PLEKHG3: variants seen among roughly 807,000 people sequenced by gnomAD.
PLEKHG3 encodes the protein pleckstrin homology and RhoGEF domain containing G3, also known as pleckstrin homology domain-containing family G member 3.
In PLEKHG3, 62 loss-of-function variants were observed where a neutral mutation model predicts 94.9. The ratio of observed to expected loss-of-function variants is 0.65; its 90% CI spans 0.53 to 0.81. The LOEUF is 0.81. PLEKHG3 is among the 30% of genes least tolerant of loss of function. The probability of loss-of-function intolerance (pLI) is 0.00; values close to 1 mark genes in which losing one functional copy is unlikely to be tolerated. For missense variants in PLEKHG3, 1,461 were observed against 1,619.3 expected, an observed-to-expected ratio of 0.90 and a Z score of 1.68; for synonymous variants, 614 against 654.0, an observed-to-expected ratio of 0.94 and a Z score of 0.93.
chr14:64,738,619 T>C lies in PLEKHG3; in HGVS notation c.1405-123T>C. ...CAGGTTGGCTCTGGAATGGCTCAGGTCCAAGACTGGCTCTCAGCTCAGCCC... is the reference window on the plus strand; with the variant it reads ...CAGGTTGGCTCTGGAATGGCTCAGGCCCAAGACTGGCTCTCAGCTCAGCCC... On this transcript the variant is annotated intron_variant, in intron 14 of 16. Coordinates refer to ENST00000247226, the MANE Select transcript of PLEKHG3 (RefSeq NM_001308147.2). This position sits in a 1 kb window ranked among gnomAD's most constrained non-coding sequence, Gnocchi z 4.8. The C allele has an allele frequency of 2.7e-6, 2 of 737,202 alleles. No individual in the cohort carries two copies. Among genetic ancestry groups the C allele is most frequent in the South Asian group, 3.3e-5 (2 of 59,712 alleles). The allele number at this position is 737,202 out of a possible 1,614,324, so 45.7% of individuals were successfully genotyped here.
At position 64,746,127 on chromosome 14, in the gene PLEKHG3, T is replaced by C. The variant is rs41307086; in HGVS notation, c.*2424T>C. The C allele has an allele frequency of 0.13, 19,987 of 152,072 alleles. 1,435 individuals carry two copies. Among genetic ancestry groups the C allele is most frequent in the Middle Eastern group, 0.2 (58 of 290 alleles). The allele number at this position is 152,072 out of a possible 1,614,324, so 9.4% of individuals were successfully genotyped here. A position where few individuals can be genotyped will look rare whatever the true frequency, so the allele number is the denominator to read the frequency against. On this transcript the variant is annotated 3_prime_UTR_variant, in exon 17 of 17. Transcript: ENST00000247226. This position sits in a 1 kb window ranked among gnomAD's most constrained non-coding sequence, Gnocchi z 4.9. ...ATGAGCAAGCTTTTCTTGGAGTTTG[T>C]GATGAAGCCCAGGAACCGGGTGCTT...
rs1404756273 is a variant in PLEKHG3 at position 64,732,690 on chromosome 14, T to TCCTGGC, written c.1247-107_1247-102dup. The TCCTGGC allele has an allele frequency of 3.6e-5, 30 of 831,528 alleles. No homozygotes were observed. The highest frequency in any genetic ancestry group is 5.2e-5 in the Non-Finnish European group (27 of 515,632). The allele number at this position is 831,528 out of a possible 1,614,324, so 51.5% of individuals were successfully genotyped here. ...GGAAGATGGAGGGAGCTCTGGAGGCTCCTGGCCCTGGAGCTGGGTGGGTAT... is the reference window on the plus strand; with the variant it reads ...GGAAGATGGAGGGAGCTCTGGAGGCTCCTGGCCCTGGCCCTGGAGCTGGGTGGGTAT... On this transcript the variant is annotated intron_variant, in intron 11 of 16. Transcript: ENST00000247226. This position sits in a 1 kb window ranked among gnomAD's most constrained non-coding sequence, Gnocchi z 4.9.
rs532050012 is a variant in PLEKHG3, at chr14:64,729,840, C to G, written c.450-403C>G. Among the ~76,000 whole-genome samples, 217 of 152,268 alleles carry G rather than the reference C, an allele frequency of 1.4e-3. 1 individual carries two copies. Among genetic ancestry groups the G allele is most frequent in the African/African-American group, 5.0e-3 (208 of 41,546 alleles). On this transcript the variant is annotated intron_variant, in intron 3 of 16. Transcript: ENST00000247226. ...AGCAGTGTTTCTAGGGGTGCCAGGA[C>G]TCACCTGTCTCTCCCCATGTCCCAC...
intron 14 of PLEKHG3, chr14:64,737,945 CCAGGAG>C (rs1375424168): frequency 2.4e-6 from 3 of 1,233,738 alleles, no homozygotes; most frequent in Non-Finnish European, 3.1e-6. Context: ...AAGGGGCTAC[CCAGGAG>C]GAGGAAGAGG....
Position 64,727,852 on chromosome 14 carries a change from C to G in PLEKHG3, c.221C>G (p.Pro74Arg). 1 of 1,613,332 alleles carries G rather than the reference C, an allele frequency of 6.2e-7. No homozygotes were observed. The highest frequency in any genetic ancestry group is 8.5e-7 in the Non-Finnish European group (1 of 1,179,492). ...NSSSWLNVKG[P>R]LSPFNSRAAA... ...AGCAGCTGGTTGAACGTGAAGGGGC[C>G]CCTCTCCCCGTTCAACAGCCGGGCA... The change falls in exon 2 of 17, where the codon CCC (proline) becomes CGC (arginine). Residue 74 changes from proline (P) to arginine (R), a missense_variant. Transcript: ENST00000247226. The surrounding 1 kb of genome is among the most constrained non-coding windows in gnomAD (Gnocchi z 6.0).
In PLEKHG3 at chr14:64,727,674, C is replaced by T. The variant is rs772227175; in HGVS notation, c.43C>T (p.Arg15Trp). 15 of 1,612,374 alleles carry T rather than the reference C, an allele frequency of 9.3e-6. No homozygotes were observed. Among genetic ancestry groups the T allele is most frequent in the African/African-American group, 5.3e-5 (4 of 74,940 alleles). ...CCTCCACCAGGATGGCAGCCAGGAG[C>T]GGCCGGTGAGCCTGACCTCTACCAC... ...TSLHQDGSQE[R>W]PVSLTSTTSS... Residue 15 changes from arginine (R) to tryptophan (W), a missense_variant, in exon 2 of 17, where the codon CGG (arginine) becomes TGG (tryptophan). By Grantham distance (101) the Arg-to-Trp change is moderately radical. Transcript: ENST00000247226. The surrounding 1 kb of genome is among the most constrained non-coding windows in gnomAD (Gnocchi z 6.0).
chr14:64,732,051 C>A lies in PLEKHG3; in HGVS notation c.1126-44C>A. ...CTGTCCATGCTAGACAGCTTCAGGCCTGTAATGATAACCACTGGGTCCCTT... is the reference window on the plus strand; with the variant it reads ...CTGTCCATGCTAGACAGCTTCAGGCATGTAATGATAACCACTGGGTCCCTT... On this transcript the variant is annotated intron_variant, in intron 9 of 16. Coordinates refer to ENST00000247226, the MANE Select transcript of PLEKHG3 (RefSeq NM_001308147.2). The surrounding 1 kb of genome is among the most constrained non-coding windows in gnomAD (Gnocchi z 4.9). 1 of 1,406,150 alleles carries A rather than the reference C, an allele frequency of 7.1e-7. No homozygotes were observed. The highest frequency in any genetic ancestry group is 1.0e-6 in the Non-Finnish European group (1 of 990,242). 87.1% of individuals were successfully genotyped at this position (1,406,150 alleles called of 1,614,324 possible).
chr14:64,743,405 A>T lies in PLEKHG3; in HGVS notation c.3362A>T (p.Gln1121Leu). The T allele has an allele frequency of 6.2e-7, 1 of 1,610,340 alleles. No homozygotes were observed. Among genetic ancestry groups the T allele is most frequent in the Non-Finnish European group, 8.5e-7 (1 of 1,177,982 alleles). ...GCCCAATCCCCTGGGCCTCTGCCCC[A>T]GAGCAAGCCGGATGGAGGCGAGACC... The part of the protein sequence containing the change: ...EAAQSPGPLP[Q>L]SKPDGGETLY... The change falls in exon 17 of 17, where the codon CAG (glutamine) becomes CTG (leucine). Residue 1121 changes from glutamine (Q) to leucine (L), a missense_variant. This residue lies in a region of PLEKHG3 where 1,201 missense variants were observed against 1,295.5 expected (regional missense o/e 0.93). Coordinates refer to ENST00000247226, the MANE Select transcript of PLEKHG3 (RefSeq NM_001308147.2). The surrounding 1 kb of genome is among the most constrained non-coding windows in gnomAD (Gnocchi z 7.2).
chr14:64,711,599 A>C (rs2081067437), intron 1 of PLEKHG3, among the ~76,000 whole-genome samples: 1 of 152,112 alleles, frequency 6.6e-6, no homozygotes, highest in Admixed American at 6.6e-5. Flanking sequence ...TTTTTAGTAC[A>C]GACAGGGTTT....
At position 64,716,100 on chromosome 14, in the gene PLEKHG3, C is replaced by T; in HGVS notation, c.-40+11396C>T. 2.2e-6 allele frequency: 1 copy of T among 455,848 alleles called. No homozygotes were observed. Among genetic ancestry groups the T allele is most frequent in the Non-Finnish European group, 4.4e-6 (1 of 226,460 alleles). 28.2% of individuals were successfully genotyped at this position (455,848 alleles called of 1,614,324 possible). ...GCTCTCCTGAGGAAAGCGGTAGGTA[C>T]CCGGCTGGGGCCAGGCCAGGGGATG... On this transcript the variant is annotated intron_variant, in intron 1 of 16. Transcript: ENST00000247226. This position sits in a 1 kb window ranked among gnomAD's most constrained non-coding sequence, Gnocchi z 5.0.
At position 64,750,227 on chromosome 14, in the gene PLEKHG3, C is replaced by A; in HGVS notation, c.*6524C>A. ...TCTAGAGTCAATTCCTATAGCTTCA[C>A]CATTAAAAAAAATTACACCATGTTT... On this transcript the variant is annotated 3_prime_UTR_variant, in exon 17 of 17. Coordinates refer to ENST00000247226, the MANE Select transcript of PLEKHG3 (RefSeq NM_001308147.2). 1 of 1,479,552 alleles carries A rather than the reference C, an allele frequency of 6.8e-7. No individual in the cohort carries two copies. Among genetic ancestry groups the A allele is most frequent in the Admixed American group, 2.2e-5 (1 of 44,472 alleles). The allele number at this position is 1,479,552 out of a possible 1,614,324, so 91.7% of individuals were successfully genotyped here. A position where few individuals can be genotyped will look rare whatever the true frequency, so the allele number is the denominator to read the frequency against.
chr14:64,708,365 C>A (rs2081007863), intron 1 of PLEKHG3, among the ~76,000 whole-genome samples: 1 of 152,146 alleles, frequency 6.6e-6, no homozygotes, highest in South Asian at 2.1e-4. Flanking sequence ...CCCCCAGCCT[C>A]CGGCAGGTAA....
chr14:64,742,945 C>T (rs764028580), intron 16 of PLEKHG3, 37 bp from the exon 17 acceptor site: 38 of 1,610,650 alleles, frequency 2.4e-5, no homozygotes, highest in Admixed American at 1.2e-4. Flanking sequence ...TCTGCCCTCC[C>T]GCCCCATGCT....
Position 64,731,614 on chromosome 14 carries a change from T to C in PLEKHG3, c.1032+71T>C, listed in dbSNP as rs1460750801. Reference sequence around the variant, plus strand: ...CAAAGGATCTGGGCTCCCCTTCTTGTCTGCTTCTTGGGGCTCCAGCACCAC... The same window carrying C: ...CAAAGGATCTGGGCTCCCCTTCTTGCCTGCTTCTTGGGGCTCCAGCACCAC... On this transcript the variant is annotated intron_variant, in intron 8 of 16. Coordinates refer to ENST00000247226, the MANE Select transcript of PLEKHG3 (RefSeq NM_001308147.2). The surrounding 1 kb of genome is among the most constrained non-coding windows in gnomAD (Gnocchi z 6.1). 1 of 1,553,394 alleles carries C rather than the reference T, an allele frequency of 6.4e-7. No individual in the cohort carries two copies. The highest frequency in any genetic ancestry group is 1.4e-5 in the African/African-American group (1 of 73,672).
In PLEKHG3 at chr14:64,731,004, G is replaced by T; in HGVS notation, c.718-34G>T. ...GGCCTGGGGAGGGCAGGGCCTTCGG[G>T]TCAGGGGCACCTAAGCGTCTATCTT... On this transcript the variant is annotated intron_variant, in intron 6 of 16. Transcript: ENST00000247226. This position sits in a 1 kb window ranked among gnomAD's most constrained non-coding sequence, Gnocchi z 6.1. The T allele has an allele frequency of 1.9e-6, 3 of 1,613,910 alleles. No individual in the cohort carries two copies. Among genetic ancestry groups the T allele is most frequent in the East Asian group, 4.5e-5 (2 of 44,884 alleles).
rs779696234 is a variant in PLEKHG3 at position 64,731,513 on chromosome 14, C to T, written c.1002C>T (p.Gly334=). 15 of 1,613,952 alleles carry T rather than the reference C, an allele frequency of 9.3e-6. No homozygotes were observed. The South Asian group carries it at 9.9e-5, about 11-fold the overall frequency. The change falls in exon 8 of 17, where the codon GGC becomes GGT. Residue 334 remains glycine, a synonymous_variant. Coordinates refer to ENST00000247226, the MANE Select transcript of PLEKHG3 (RefSeq NM_001308147.2). The surrounding 1 kb of genome is among the most constrained non-coding windows in gnomAD (Gnocchi z 6.1). ...DKTLLITKKR[G]DHFVYKGNIP... ...CACTGCTTATCACCAAGAAGCGGGGCGATCACTTTGTCTACAAGGGCAACA... is the reference window on the plus strand; with the variant it reads ...CACTGCTTATCACCAAGAAGCGGGGTGATCACTTTGTCTACAAGGGCAACA...
chr14:64,730,432 G>T lies in PLEKHG3; in HGVS notation c.519+120G>T. Reference sequence around the variant, plus strand: ...TTCCTTTCCAGGGAAAGTCCTGGGTGCTCTATCTTGAATGAGAAGGGTGTT... The same window carrying T: ...TTCCTTTCCAGGGAAAGTCCTGGGTTCTCTATCTTGAATGAGAAGGGTGTT... On this transcript the variant is annotated intron_variant, in intron 4 of 16. Coordinates refer to ENST00000247226, the MANE Select transcript of PLEKHG3 (RefSeq NM_001308147.2). This position sits in a 1 kb window ranked among gnomAD's most constrained non-coding sequence, Gnocchi z 5.4. 1.3e-6 allele frequency: 1 copy of T among 776,128 alleles called. No homozygotes were observed. The highest frequency in any genetic ancestry group is 1.6e-5 in the South Asian group (1 of 64,128). 48.1% of individuals were successfully genotyped at this position (776,128 alleles called of 1,614,324 possible). A position where few individuals can be genotyped will look rare whatever the true frequency, so the allele number is the denominator to read the frequency against.
At position 64,743,455 on chromosome 14, in the gene PLEKHG3, C is replaced by G; in HGVS notation, c.3412C>G (p.Leu1138Val). The change falls in exon 17 of 17, where the codon CTG (leucine) becomes GTG (valine). Residue 1138 changes from leucine to valine, a missense_variant. Leu to Val is a conservative substitution (Grantham distance 32). Transcript: ENST00000247226. This position sits in a 1 kb window ranked among gnomAD's most constrained non-coding sequence, Gnocchi z 7.2. ...ETLYVTADLT[L>V]EDNRRVIVME... ...CCTGTATGTCACTGCAGACCTCACC[C>G]TGGAGGACAACCGGCGGGTGATTGT... The G allele has an allele frequency of 1.2e-6, 2 of 1,613,210 alleles. No homozygotes were observed. The highest frequency in any genetic ancestry group is 1.6e-4 in the Middle Eastern group (1 of 6,062).
rs1365674640 is a variant in PLEKHG3 at position 64,717,814 on chromosome 14, C to T, written c.-39-9779C>T. ...TCCCTGGCTCTAGGGACACCTGCAG[C>T]CACAGCCCATATCATGGTTTGGACC... is the stretch of plus-strand genomic sequence containing the variant. On this transcript the variant is annotated intron_variant, in intron 1 of 16. Transcript: ENST00000247226. This position sits in a 1 kb window ranked among gnomAD's most constrained non-coding sequence, Gnocchi z 4.7. Among the ~76,000 whole-genome samples, 1 of 152,246 alleles carries T rather than the reference C, an allele frequency of 6.6e-6. No homozygotes were observed. The highest frequency in any genetic ancestry group is 1.5e-5 in the Non-Finnish European group (1 of 68,040).
Sources: gnomAD v4.1 joint callset for allele counts (sites outside exome capture counted in the v4.1 genomes callset) on GRCh38, gnomAD v4.1.1 for gene constraint, gnomAD v4.1.1 regional missense constraint, Gnocchi (gnomAD v3.1) non-coding constraint, MANE v1.5 for transcripts, NCBI Gene and HGNC (gene_info 2026-07-23, HGNC 2026-07-21) for gene names.